The following CDH8 variants were observed in gnomAD, a reference collection of about 807,000 sequenced individuals.
CDH8 encodes the protein cadherin 8, also known as cadherin-8.
In CDH8, 17 loss-of-function variants were observed where a neutral mutation model predicts 68.1. That is an observed-to-expected ratio of 0.25 (90% CI 0.17 to 0.37). CDH8 has a LOEUF of 0.37. Among genes scored for constraint, CDH8 ranks in the 10% least tolerant of loss-of-function variants. The pLI, the probability that CDH8 is intolerant of heterozygous loss-of-function variation, is 1.00. For synonymous variants in CDH8, 372 were observed against 365.1 expected (o/e 1.02, Z -0.21); for missense variants, 763 against 999.3 (o/e 0.76, Z 3.19).
intron 3 of CDH8, among the ~76,000 whole-genome samples, chr16:61,886,186 A>T (rs564411738): frequency 4.0e-4 from 61 of 152,306 alleles, no homozygotes; most frequent in African/African-American, 1.4e-3. Flanking sequence ...TAGTTTGAAG[A>T]TATCTACTAC....
chr16:61,772,993 C>A (rs528188170), intron 8 of CDH8, among the ~76,000 whole-genome samples: 1 of 152,104 alleles, frequency 6.6e-6, no homozygotes, highest in South Asian at 2.1e-4. Flanking sequence ...TTGATGGGCC[C>A]TTTTAATGTG....
At position 61,985,430 on chromosome 16, in the gene CDH8, C is replaced by T. The variant is rs140699528; in HGVS notation, c.252+35722G>A. Among the ~76,000 whole-genome samples, 39 of 152,320 alleles carry T rather than the reference C, an allele frequency of 2.6e-4. No individual in the cohort carries two copies. The East Asian group carries it at 7.3e-3, about 29-fold the overall frequency. ...CATATATAGAGCATTTCCATCTTCA[C>T]AGAATGCACTATTGGACAGAACATC... is the stretch of plus-strand genomic sequence containing the variant. On this transcript the variant is annotated intron_variant, in intron 2 of 11. Coordinates refer to ENST00000577390, the MANE Select transcript of CDH8 (RefSeq NM_001796.5).
chr16:61,965,507 A>C (rs1965232414), intron 2 of CDH8, among the ~76,000 whole-genome samples: 1 of 152,136 alleles, frequency 6.6e-6, no homozygotes, highest in African/African-American at 2.4e-5. Context: ...CCCTAACTCC[A>C]GTATTTAACA....
At chr16:61,849,486 C>T (rs1962896159) in intron 4 of CDH8, among the ~76,000 whole-genome samples, 1 of 152,126 alleles carries the variant, frequency 6.6e-6, no homozygotes, top group Admixed American at 6.6e-5. Context: ...AGGGACTCCA[C>T]ATGTAACAGA....
chr16:61,969,287 C>G (rs116485363), intron 2 of CDH8, among the ~76,000 whole-genome samples: 2 of 152,298 alleles, frequency 1.3e-5, no homozygotes, highest in African/African-American at 4.8e-5. Context: ...GAAACAAGCA[C>G]AGAAAACCAC....
At chr16:61,936,193 TAATA>T (rs1964624539) in intron 2 of CDH8, among the ~76,000 whole-genome samples, 1 of 152,150 alleles carries the variant, frequency 6.6e-6, no homozygotes, top group Non-Finnish European at 1.5e-5. Context: ...TACATTGTAT[TAATA>T]AATATTTGCA....
intron 2 of CDH8, among the ~76,000 whole-genome samples, chr16:61,988,832 A>G (rs1163427828): frequency 2.0e-5 from 3 of 152,202 alleles, no homozygotes; most frequent in African/African-American, 7.2e-5. Flanking sequence ...AAATTTTGAA[A>G]TGTTATCCAG....
chr16:61,762,495 G>A (rs113591459), intron 8 of CDH8, among the ~76,000 whole-genome samples: 20 of 152,242 alleles, frequency 1.3e-4, no homozygotes, highest in African/African-American at 4.8e-4. Flanking sequence ...GTTAACAGAA[G>A]TTTCCAGATA....
At chr16:61,827,460 T>A (rs1962364409) in intron 4 of CDH8, among the ~76,000 whole-genome samples, 1 of 151,884 alleles carries the variant, frequency 6.6e-6, no homozygotes, top group Non-Finnish European at 1.5e-5. Context: ...CTTCTCTGAG[T>A]CAAAAAAGAT....
At chr16:62,008,862 TC>T (rs1901733999) in intron 2 of CDH8, among the ~76,000 whole-genome samples, 2 of 152,184 alleles carry the variant, frequency 1.3e-5, no homozygotes, top group Non-Finnish European at 2.9e-5. Context: ...TTATAAATGT[TC>T]CTACAAAGTC....
chr16:61,684,430 A>C (rs1325597594), intron 10 of CDH8, among the ~76,000 whole-genome samples: 1 of 152,060 alleles, frequency 6.6e-6, no homozygotes, highest in Non-Finnish European at 1.5e-5. Context: ...TATAGCAAGA[A>C]AAAATCCAGA....
chr16:61,972,571 G>GGGTGGGTGTGTGTGT (rs369833002), intron 2 of CDH8, among the ~76,000 whole-genome samples: 6 of 131,468 alleles, frequency 4.6e-5, no homozygotes, highest in Non-Finnish European at 8.4e-5. Flanking sequence ...ACACATTGTG[G>GGGTGGGTGTGTGTGT]GTGTGTGTGT....
chr16:61,701,191 G>A (rs930481208), intron 10 of CDH8, among the ~76,000 whole-genome samples: 1 of 152,160 alleles, frequency 6.6e-6, no homozygotes, highest in Non-Finnish European at 1.5e-5. Flanking sequence ...CTACCGTGAT[G>A]TATAGTTCTA....
intron 8 of CDH8, among the ~76,000 whole-genome samples, chr16:61,749,970 G>C (rs961176588): frequency 6.6e-6 from 1 of 152,106 alleles, no homozygotes; most frequent in East Asian, 1.9e-4. Context: ...GGTATATTTT[G>C]TGATGCTGAG....
rs1963239419 is a variant in CDH8 at position 61,647,888 on chromosome 16, T to A, written c.*5720A>T. 2.9e-6 allele frequency: 2 copies of A among 698,140 alleles called. No individual in the cohort carries two copies. The highest frequency in any genetic ancestry group is 5.2e-6 in the Non-Finnish European group (2 of 382,074). 43.2% of individuals were successfully genotyped at this position (698,140 alleles called of 1,614,324 possible). A position where few individuals can be genotyped will look rare whatever the true frequency, so the allele number is the denominator to read the frequency against. ...TCCTCCTAGCAACCCTCTTCTGTAATCTGTGGATAATAATAGAAATATCTA... is the reference window on the plus strand; with the variant it reads ...TCCTCCTAGCAACCCTCTTCTGTAAACTGTGGATAATAATAGAAATATCTA... On this transcript the variant is annotated 3_prime_UTR_variant, in exon 12 of 12. Transcript: ENST00000577390.
chr16:61,935,504 T>A (rs1465969075), intron 2 of CDH8, among the ~76,000 whole-genome samples: 1 of 152,130 alleles, frequency 6.6e-6, no homozygotes, highest in Non-Finnish European at 1.5e-5. Flanking sequence ...CATTTGAATG[T>A]CCTCATCTTC....
intron 10 of CDH8, among the ~76,000 whole-genome samples, chr16:61,700,837 C>T (rs1964415723): frequency 6.6e-6 from 1 of 151,920 alleles, no homozygotes; most frequent in Non-Finnish European, 1.5e-5. Flanking sequence ...CATAGGGTGG[C>T]CATAATAAAC....
chr16:61,652,041 G>A lies in CDH8; in HGVS notation c.*1567C>T. Reference sequence around the variant, plus strand: ...TATAAAAATATATTTCACAAAGTAGGAAACAATACAGGAGTTTCTCTGAAT... The same window carrying A: ...TATAAAAATATATTTCACAAAGTAGAAAACAATACAGGAGTTTCTCTGAAT... On this transcript the variant is annotated 3_prime_UTR_variant, in exon 12 of 12. Transcript: ENST00000577390. 1.1e-6 allele frequency: 1 copy of A among 873,968 alleles called. No homozygotes were observed. The highest frequency in any genetic ancestry group is 1.4e-6 in the Non-Finnish European group (1 of 728,766). The allele number at this position is 873,968 out of a possible 1,614,324, so 54.1% of individuals were successfully genotyped here. A position where few individuals can be genotyped will look rare whatever the true frequency, so the allele number is the denominator to read the frequency against.
chr16:61,941,362 A>G (rs1964722218), intron 2 of CDH8, among the ~76,000 whole-genome samples: 4 of 152,250 alleles, frequency 2.6e-5, no homozygotes, highest in African/African-American at 9.6e-5. Flanking sequence ...ATGAAAAACA[A>G]TAAGTAAAAC....
Sources: allele counts gnomAD v4.1 joint callset (sites outside exome capture counted in the v4.1 genomes callset), GRCh38; gene constraint gnomAD v4.1.1; transcripts MANE v1.5; gene names NCBI Gene and HGNC (gene_info 2026-07-23, HGNC 2026-07-21).